Variants in ERG observed in about 807,000 individuals in gnomAD.
The protein encoded by ERG is ETS transcription factor ERG.
In ERG, 9 loss-of-function variants were observed where a neutral mutation model predicts 55.3. The observed-to-expected ratio is 0.16, with a 90% CI of 0.10 to 0.28. The LOEUF is 0.28. Ranked by LOEUF, ERG falls within the 10% of genes least tolerant of loss-of-function variation. ERG has a pLI of 1.00. For synonymous variants in ERG, 223 were observed against 237.3 expected (o/e 0.94, Z 0.55); for missense variants, 434 against 631.6 (o/e 0.69, Z 3.35).
chr21:38,447,520 C>T (rs1196870544), intron 1 of ERG, among the ~76,000 whole-genome samples: 3 of 139,506 alleles, frequency 2.2e-5, no homozygotes, highest in African/African-American at 8.1e-5. Context: ...GTTGACAGTA[C>T]AGAAACGGCA....
chr21:38,568,074 G>C (rs760182689), intron 2 of ERG, among the ~76,000 whole-genome samples: 16 of 148,032 alleles, frequency 1.1e-4, no homozygotes, highest in Non-Finnish European at 2.4e-4. Context: ...TACTGACCCT[G>C]GGTCAATTTA....
chr21:38,643,820 A>G (rs150478450), intron 1 of ERG, among the ~76,000 whole-genome samples: 1 of 152,346 alleles, frequency 6.6e-6, no homozygotes, highest in East Asian at 1.9e-4. Context: ...AGAGATTTCA[A>G]GTAAACACAG....
At chr21:38,659,854 T>C (rs1019034549) in intron 1 of ERG, among the ~76,000 whole-genome samples, 2 of 152,198 alleles carry the variant, frequency 1.3e-5, no homozygotes, top group Admixed American at 6.5e-5. Context: ...CAACATACCA[T>C]AGCAATAAAC....
In ERG at chr21:38,468,790, C is replaced by T. The variant is rs539875680; in HGVS notation, c.19-23169G>A. On this transcript the variant is annotated intron_variant, in intron 1 of 9. Transcript: ENST00000288319. The stretch of plus-strand genomic sequence containing the variant: ...CACGAGGTCAGGAGATCGAGACTAT[C>T]TTGGCTAACACGGTGAAACCCTGTC... Among the ~76,000 whole-genome samples, 129 of 152,106 alleles carry T rather than the reference C, an allele frequency of 8.5e-4. 1 individual carries two copies. The highest frequency in any genetic ancestry group is 1.4e-3 in the Admixed American group (21 of 15,290).
chr21:38,498,219 G>A lies in ERG; in HGVS notation c.18+144C>T, dbSNP rs1046266576. On this transcript the variant is annotated intron_variant, in intron 1 of 9. Coordinates refer to ENST00000288319, the MANE Select transcript of ERG (RefSeq NM_182918.4). The surrounding 1 kb of genome is among the most constrained non-coding windows in gnomAD (Gnocchi z 4.6). ...GGAGTAGGAAAAAGGAAATTTACTA[G>A]GCAGTGCAAAGGAAATCTTGTTGTC... is the stretch of plus-strand genomic sequence containing the variant. 1.4e-6 allele frequency: 1 copy of A among 715,428 alleles called. No individual in the cohort carries two copies. The highest frequency in any genetic ancestry group is 1.8e-5 in the African/African-American group (1 of 54,250). 44.3% of individuals were successfully genotyped at this position (715,428 alleles called of 1,614,324 possible).
intron 2 of ERG, among the ~76,000 whole-genome samples, chr21:38,433,965 C>T (rs575404352): frequency 6.6e-6 from 1 of 152,256 alleles, no homozygotes; most frequent in South Asian, 2.1e-4. Flanking sequence ...CCCTTGTTCT[C>T]CATCACATGC....
intron 1 of ERG, among the ~76,000 whole-genome samples, chr21:38,651,830 G>C (rs1182065810): frequency 1.3e-5 from 2 of 152,134 alleles, no homozygotes; most frequent in African/African-American, 4.8e-5. Flanking sequence ...CCGCCTGCCT[G>C]GTTCTGATGC....
rs551394356 is a variant in ERG, at chr21:38,597,250, T to C, written c.-149-12305A>G. Among the ~76,000 whole-genome samples, 65 of 152,306 alleles carry C rather than the reference T, an allele frequency of 4.3e-4. 1 individual carries two copies. Among genetic ancestry groups the C allele is most frequent in the African/African-American group, 1.5e-3 (64 of 41,568 alleles). ...ATGTATATACACATATGTACACAGT[T>C]ATAAATATGGATCAATATAATGAGA... On this transcript the variant is annotated intron_variant, in intron 1 of 10. Coordinates refer to the ERG transcript ENST00000398910.
At chr21:38,516,035 G>A (rs749947137) in intron 2 of ERG, among the ~76,000 whole-genome samples, 1 of 151,942 alleles carries the variant, frequency 6.6e-6, no homozygotes, top group African/African-American at 2.4e-5. Flanking sequence ...TATACTGAAC[G>A]GGGAAAGGCG....
At chr21:38,503,765 G>A (rs1568862119) in intron 2 of ERG, among the ~76,000 whole-genome samples, 1 of 152,174 alleles carries the variant, frequency 6.6e-6, no homozygotes, top group Non-Finnish European at 1.5e-5. Context: ...GAACATGCCT[G>A]AGATTGTAGA....
At chr21:38,402,686 A>C (rs1039934283) in intron 4 of ERG, 49 bp from the exon 5 acceptor site, 1 of 944,342 alleles carries the variant, frequency 1.1e-6, no homozygotes, top group African/African-American at 1.7e-5. Flanking sequence ...AAAAAGAGAG[A>C]GAGAGAAAGA....
At chr21:38,597,914 G>A (rs567265777) in intron 1 of ERG, among the ~76,000 whole-genome samples, 280 of 152,232 alleles carry the variant, frequency 1.8e-3, no homozygotes, top group African/African-American at 6.4e-3. Context: ...TTTGCAATCC[G>A]TTGACTTAAA....
intron 1 of ERG, among the ~76,000 whole-genome samples, chr21:38,470,376 A>G (rs548767165): frequency 1.1e-4 from 16 of 152,324 alleles, no homozygotes; most frequent in African/African-American, 3.8e-4. Flanking sequence ...AAAGAAAGGA[A>G]TATCAGGGAT....
rs1339508165 is a variant in ERG at position 38,529,345 on chromosome 21, G to C, written c.-41+46317C>G. ...ATGAGCTAGTGATGTGAATTAAGGT[G>C]CTGGTGGTGGAGGAAGTGAGGTGGA... On this transcript the variant is annotated intron_variant, in intron 2 of 8. Transcript: ENST00000398897. 3.9e-5 allele frequency among the ~76,000 whole-genome samples: 6 copies of C among 152,172 alleles called. No homozygotes were observed. In the East Asian group the frequency reaches 1.2e-3, roughly 29 times the overall value.
At chr21:38,525,206 T>C (rs1465766027) in intron 2 of ERG, among the ~76,000 whole-genome samples, 3 of 152,194 alleles carry the variant, frequency 2.0e-5, no homozygotes, top group African/African-American at 7.2e-5. Context: ...CCCTCCCTAC[T>C]GGTGTGGTGT....
intron 3 of ERG, among the ~76,000 whole-genome samples, chr21:38,420,999 CAG>C (rs1253905949): frequency 1.3e-5 from 2 of 152,228 alleles, no homozygotes; most frequent in Non-Finnish European, 2.9e-5. Flanking sequence ...TGTTCATGCC[CAG>C]AGAGTGTCTG....
chr21:38,430,618 A>C (rs1990159073), intron 2 of ERG, among the ~76,000 whole-genome samples: 1 of 152,244 alleles, frequency 6.6e-6, no homozygotes, highest in South Asian at 2.1e-4. Flanking sequence ...TCACAGCAGC[A>C]GAAATTCCAC....
intron 1 of ERG, among the ~76,000 whole-genome samples, chr21:38,457,257 A>G (rs910131183): frequency 6.6e-6 from 1 of 152,162 alleles, no homozygotes; most frequent in Non-Finnish European, 1.5e-5. Context: ...TAACATGGTG[A>G]AACCCCATCT....
intron 1 of ERG, among the ~76,000 whole-genome samples, chr21:38,619,651 T>C (rs1264639247): frequency 6.6e-6 from 1 of 152,250 alleles, no homozygotes; most frequent in African/African-American, 2.4e-5. Context: ...TGACACTGTT[T>C]ATAGGGCCAG....
Sources: gnomAD v4.1 joint callset for allele counts (sites outside exome capture counted in the v4.1 genomes callset) on GRCh38, gnomAD v4.1.1 for gene constraint, Gnocchi (gnomAD v3.1) non-coding constraint, MANE v1.5 for transcripts, NCBI Gene and HGNC (gene_info 2026-07-23, HGNC 2026-07-21) for gene names.